The following TMTC2 variants were observed in gnomAD, a reference collection of about 807,000 sequenced individuals.
The protein encoded by TMTC2 is transmembrane O-mannosyltransferase targeting cadherins 2, also known as protein O-mannosyl-transferase TMTC2.
In TMTC2, 43 loss-of-function variants were observed where a neutral mutation model predicts 82.4. The ratio of observed to expected loss-of-function variants is 0.52; its 90% CI spans 0.41 to 0.67. The LOEUF (loss-of-function observed/expected upper bound fraction) is 0.67. Ranked by LOEUF, TMTC2 falls within the 30% of genes least tolerant of loss-of-function variation. The probability of loss-of-function intolerance (pLI) is 0.00; values close to 1 mark genes in which losing one functional copy is unlikely to be tolerated. For missense variants in TMTC2, 919 were observed against 1,012.4 expected, an observed-to-expected ratio of 0.91 and a Z score of 1.25; for synonymous variants, 408 against 381.9, an observed-to-expected ratio of 1.07 and a Z score of -0.80.
At chr12:82,944,511 C>T (rs1379467799) in intron 4 of TMTC2, among the ~76,000 whole-genome samples, 10 of 142,962 alleles carry the variant, frequency 7.0e-5, no homozygotes, top group African/African-American at 2.3e-4. Context: ...CGGGAGATGG[C>T]GCTTGCAGTG....
intron 1 of TMTC2, among the ~76,000 whole-genome samples, chr12:82,820,938 C>T (rs76830834): frequency 0.018 from 2,707 of 152,108 alleles, 75 homozygotes; most frequent in African/African-American, 0.061. Context: ...AGTGCAGTGG[C>T]GGAAAGAACT....
chr12:82,888,513 C>T (rs1325566171), intron 2 of TMTC2, among the ~76,000 whole-genome samples: 1 of 152,130 alleles, frequency 6.6e-6, no homozygotes, highest in Non-Finnish European at 1.5e-5. Context: ...ATCTTGAACT[C>T]TTGGGCTCAG....
At chr12:82,765,723 A>AC (rs1876919896) in intron 1 of TMTC2, among the ~76,000 whole-genome samples, 1 of 152,082 alleles carries the variant, frequency 6.6e-6, no homozygotes, top group Admixed American at 6.6e-5. Flanking sequence ...ACAAAAAAAA[A>AC]CAAAGAAAAA....
intron 1 of TMTC2, among the ~76,000 whole-genome samples, chr12:82,690,915 A>C (rs1416152977): frequency 6.6e-6 from 1 of 152,202 alleles, no homozygotes; most frequent in Non-Finnish European, 1.5e-5. Context: ...TTTGTTGAGG[A>C]TGACATGGCA....
At chr12:82,844,828 A>G (rs533402326) in intron 1 of TMTC2, among the ~76,000 whole-genome samples, 3 of 152,022 alleles carry the variant, frequency 2.0e-5, no homozygotes, top group South Asian at 4.2e-4. Context: ...CTAGTGTTCC[A>G]TAGAGCTCAT....
chr12:82,818,516 C>G lies in TMTC2; in HGVS notation c.84-38494C>G, dbSNP rs75759171. 3.0e-3 allele frequency among the ~76,000 whole-genome samples: 449 copies of G among 152,198 alleles called. 4 individuals carry two copies. The highest frequency in any genetic ancestry group is 5.5e-3 in the Non-Finnish European group (372 of 67,992). Reference sequence around the variant, plus strand: ...TAGAAAGGTTAATTGCAAGGTTCTCCAGGTCATTGGTAACAGTGAACAAGG... The same window carrying G: ...TAGAAAGGTTAATTGCAAGGTTCTCGAGGTCATTGGTAACAGTGAACAAGG... On this transcript the variant is annotated intron_variant, in intron 1 of 11. Transcript: ENST00000321196.
chr12:82,883,931 C>T (rs546992130), intron 2 of TMTC2, among the ~76,000 whole-genome samples: 2 of 152,258 alleles, frequency 1.3e-5, no homozygotes, highest in East Asian at 3.9e-4. Context: ...ATTTTCTTCA[C>T]ATATTTTCTT....
At chr12:82,880,311 A>C (rs1387775720) in intron 2 of TMTC2, among the ~76,000 whole-genome samples, 1 of 152,216 alleles carries the variant, frequency 6.6e-6, no homozygotes, top group African/African-American at 2.4e-5. Flanking sequence ...TTTTATTACT[A>C]TCTGGTAATC....
chr12:82,833,572 T>C (rs17010029), intron 1 of TMTC2, among the ~76,000 whole-genome samples: 4,149 of 152,304 alleles, frequency 0.027, 179 homozygotes, highest in African/African-American at 0.095. Flanking sequence ...TCACAAAATG[T>C]GTAGTATATT....
chr12:83,050,605 A>G (rs1396185456), intron 9 of TMTC2, among the ~76,000 whole-genome samples: 1 of 152,162 alleles, frequency 6.6e-6, no homozygotes, highest in African/African-American at 2.4e-5. Context: ...TGTAATAACA[A>G]TGGAAATCAG....
chr12:82,761,884 T>TTTTTTCTC (rs1876658023), intron 1 of TMTC2, among the ~76,000 whole-genome samples: 1 of 149,914 alleles, frequency 6.7e-6, no homozygotes, highest in Non-Finnish European at 1.5e-5. Context: ...CTTTCTTTCT[T>TTTTTTCTC]TCTCTCTCTT....
intron 1 of TMTC2, among the ~76,000 whole-genome samples, chr12:82,784,272 C>G: frequency 6.6e-6 from 1 of 152,044 alleles, no homozygotes; most frequent in East Asian, 1.9e-4. Flanking sequence ...TTGTGCAACT[C>G]TTTCCTTTTT....
rs376166312 is a variant in TMTC2, at chr12:82,911,629, G to A, written c.1483+14983G>A. On this transcript the variant is annotated intron_variant, in intron 3 of 11. Transcript: ENST00000321196. Reference sequence around the variant, plus strand: ...TTTTCTTTTCTTTTTTTGAGATGGCGTCTTGCTCTGTTGCCCAGGCTGGAG... The same window carrying A: ...TTTTCTTTTCTTTTTTTGAGATGGCATCTTGCTCTGTTGCCCAGGCTGGAG... Among the ~76,000 whole-genome samples the A allele has an allele frequency of 4.0e-5, 6 of 151,828 alleles. No individual in the cohort carries two copies. The East Asian group carries it at 7.7e-4, about 20-fold the overall frequency.
At chr12:82,810,380 A>G (rs1395052448) in intron 1 of TMTC2, among the ~76,000 whole-genome samples, 1 of 151,002 alleles carries the variant, frequency 6.6e-6, no homozygotes, top group Admixed American at 6.6e-5. Context: ...TTTTTAAACA[A>G]CAGAATTTTT....
chr12:82,978,855 G>A (rs1878797749), intron 7 of TMTC2, among the ~76,000 whole-genome samples: 1 of 151,708 alleles, frequency 6.6e-6, no homozygotes, highest in Admixed American at 6.6e-5. Flanking sequence ...TTATATATCT[G>A]GGTTCTCCAG....
chr12:82,999,920 C>A (rs1879840101), intron 8 of TMTC2, among the ~76,000 whole-genome samples: 1 of 152,198 alleles, frequency 6.6e-6, no homozygotes, highest in Admixed American at 6.5e-5. Flanking sequence ...AGTCTTAACT[C>A]ATTTCAGCAT....
intron 1 of TMTC2, among the ~76,000 whole-genome samples, chr12:82,715,441 G>C (rs1262602962): frequency 6.6e-6 from 1 of 152,124 alleles, no homozygotes; most frequent in Non-Finnish European, 1.5e-5. Context: ...GATAGGAAAT[G>C]ATTTTTAGGG....
chr12:82,873,598 G>C (rs1260668759), intron 2 of TMTC2, among the ~76,000 whole-genome samples: 1 of 152,128 alleles, frequency 6.6e-6, no homozygotes, highest in African/African-American at 2.4e-5. Flanking sequence ...CTTGATTTCT[G>C]AGTAACAGTG....
At chr12:82,872,011 C>CG (rs1491215231) in intron 2 of TMTC2, among the ~76,000 whole-genome samples, 2 of 136,810 alleles carry the variant, frequency 1.5e-5, no homozygotes, top group Admixed American at 7.3e-5. Flanking sequence ...CAACACCCCC[C>CG]CCCCCGCCCA....
Sources: gnomAD v4.1 joint callset for allele counts (sites outside exome capture counted in the v4.1 genomes callset) on GRCh38, gnomAD v4.1.1 for gene constraint, MANE v1.5 for transcripts, NCBI Gene and HGNC (gene_info 2026-07-23, HGNC 2026-07-21) for gene names.